RSU1: variants seen among roughly 807,000 people sequenced by gnomAD.
RSU1 encodes Ras suppressor protein 1, also known as rsu-1.
Under a neutral mutation model 31.1 loss-of-function variants are expected in RSU1, and 26 were observed. The ratio of observed to expected loss-of-function variants is 0.84; its 90% CI spans 0.61 to 1.16. RSU1 has a LOEUF of 1.16. RSU1 is among the 50% of genes most tolerant of loss of function. The pLI is 0.00. For synonymous variants in RSU1, 164 were observed against 136.3 expected (o/e 1.20, Z -1.41); for missense variants, 320 against 339.1 (o/e 0.94, Z 0.44).
chr10:16,740,036 C>A (rs1836719926), intron 7 of RSU1, among the ~76,000 whole-genome samples: 1 of 151,858 alleles, frequency 6.6e-6, no homozygotes, highest in Non-Finnish European at 1.5e-5. Flanking sequence ...AATTCAAGAC[C>A]CAGATGGCGT....
At chr10:16,642,675 A>G (rs1473156768) in intron 8 of RSU1, among the ~76,000 whole-genome samples, 1 of 152,204 alleles carries the variant, frequency 6.6e-6, no homozygotes, top group Admixed American at 6.5e-5. Context: ...TATTCTCTAA[A>G]TGGACCCTGA....
At chr10:16,686,237 C>A (rs1246324818) in intron 8 of RSU1, among the ~76,000 whole-genome samples, 1 of 152,106 alleles carries the variant, frequency 6.6e-6, no homozygotes, top group African/African-American at 2.4e-5. Context: ...AGATTAGAAA[C>A]CACAAACAGT....
At chr10:16,773,455 T>C (rs1276159830) in intron 3 of RSU1, among the ~76,000 whole-genome samples, 1 of 151,912 alleles carries the variant, frequency 6.6e-6, no homozygotes, top group African/African-American at 2.4e-5. Flanking sequence ...CTGGAAGGAG[T>C]AAGGATCCAG....
intron 7 of RSU1, among the ~76,000 whole-genome samples, chr10:16,741,043 T>C (rs569049316): frequency 6.6e-6 from 1 of 152,176 alleles, no homozygotes; most frequent in African/African-American, 2.4e-5. Flanking sequence ...GAAACTAACA[T>C]GCCCCAATTT....
chr10:16,605,797 G>A (rs1833794170), intron 8 of RSU1, among the ~76,000 whole-genome samples: 1 of 152,122 alleles, frequency 6.6e-6, no homozygotes, highest in African/African-American at 2.4e-5. Flanking sequence ...TTGGCTGCAG[G>A]GTTTCATTTT....
At position 16,593,307 on chromosome 10, in the gene RSU1, A is replaced by ATTGGGTTTAT; in HGVS notation, c.*77_*86dup. 1 of 1,594,464 alleles carries ATTGGGTTTAT rather than the reference A, an allele frequency of 6.3e-7. No homozygotes were observed. The highest frequency in any genetic ancestry group is 8.5e-7 in the Non-Finnish European group (1 of 1,169,764). On this transcript the variant is annotated 3_prime_UTR_variant, in exon 9 of 9. Coordinates refer to ENST00000345264, the MANE Select transcript of RSU1 (RefSeq NM_012425.4). Reference sequence around the variant, plus strand: ...AAATAAAAAAGGCCTCACACGCAGCATTGGGTTTATTTGAGAGACAGGGCA... The same window carrying ATTGGGTTTAT: ...AAATAAAAAAGGCCTCACACGCAGCATTGGGTTTATTTGGGTTTATTTGAGAGACAGGGCA...
intron 8 of RSU1, among the ~76,000 whole-genome samples, chr10:16,646,061 T>TACATATATGTGTATATATATATAC (rs1834564446): frequency 1.3e-5 from 1 of 78,934 alleles, no homozygotes; most frequent in African/African-American, 7.3e-5. Context: ...TATATATATA[T>TACATATATGTGTATATATATATAC]ACACACACAC....
chr10:16,793,689 C>T (rs768096126), intron 2 of RSU1, among the ~76,000 whole-genome samples: 8 of 152,082 alleles, frequency 5.3e-5, no homozygotes, highest in Non-Finnish European at 1.0e-4. Context: ...GCTACAGCTA[C>T]TCTGCAAGCC....
intron 7 of RSU1, among the ~76,000 whole-genome samples, chr10:16,737,837 A>T (rs527747203): frequency 6.6e-6 from 1 of 152,344 alleles, no homozygotes; most frequent in African/African-American, 2.4e-5. Context: ...GATGGGGCAC[A>T]TAAAACTTTT....
intron 3 of RSU1, among the ~76,000 whole-genome samples, chr10:16,773,234 C>A (rs1837457841): frequency 6.6e-6 from 1 of 151,800 alleles, no homozygotes; most frequent in Admixed American, 6.6e-5. Flanking sequence ...AGGAATTAAT[C>A]CATCAAATCC....
intron 8 of RSU1, among the ~76,000 whole-genome samples, chr10:16,626,586 G>A (rs1834161436): frequency 6.6e-6 from 1 of 152,174 alleles, no homozygotes; most frequent in Admixed American, 6.5e-5. Context: ...TGGGTTAAAT[G>A]CAGAGATTCT....
chr10:16,707,168 G>A (rs1388821639), intron 7 of RSU1, among the ~76,000 whole-genome samples: 2 of 152,078 alleles, frequency 1.3e-5, no homozygotes, highest in African/African-American at 2.4e-5. Flanking sequence ...GGTTGATTAC[G>A]TATCTTAGTT....
intron 8 of RSU1, among the ~76,000 whole-genome samples, chr10:16,656,051 T>C (rs1834770913): frequency 6.6e-6 from 1 of 152,206 alleles, no homozygotes; most frequent in Non-Finnish European, 1.5e-5. Flanking sequence ...TCTATGTTTT[T>C]AGCCAAAATA....
chr10:16,659,133 G>T lies in RSU1; in HGVS notation c.731+35890C>A, dbSNP rs77688902. ...ATCGGCTGTCAGCAATGTGTGTGTT[G>T]CAGACCACTTTTCTCAGTTGTGGCT... On this transcript the variant is annotated intron_variant, in intron 8 of 8. Transcript: ENST00000345264. Among the ~76,000 whole-genome samples the T allele has an allele frequency of 8.1e-3, 1,225 of 152,124 alleles. 17 individuals are homozygous for T. The highest frequency in any genetic ancestry group is 0.028 in the African/African-American group (1,155 of 41,486).
chr10:16,702,430 C>G (rs574275434), intron 7 of RSU1, among the ~76,000 whole-genome samples: 1 of 152,238 alleles, frequency 6.6e-6, no homozygotes. Context: ...CCCAATAGAG[C>G]AGTCACAGGA....
At chr10:16,755,234 C>T (rs1448926101) in intron 4 of RSU1, among the ~76,000 whole-genome samples, 1 of 152,038 alleles carries the variant, frequency 6.6e-6, no homozygotes, top group Non-Finnish European at 1.5e-5. Flanking sequence ...GCGATCCTTC[C>T]ACTTCAGCCT....
intron 3 of RSU1, among the ~76,000 whole-genome samples, chr10:16,766,413 G>A (rs933255238): frequency 6.6e-6 from 1 of 152,148 alleles, no homozygotes; most frequent in Non-Finnish European, 1.5e-5. Context: ...GTGTGTAAGG[G>A]ATTACCAAGA....
intron 4 of RSU1, among the ~76,000 whole-genome samples, chr10:16,758,300 G>A (rs537972913): frequency 6.6e-6 from 1 of 152,306 alleles, no homozygotes; most frequent in East Asian, 1.9e-4. Flanking sequence ...GTGACATGGT[G>A]GGTTCTCTCT....
Position 16,752,651 on chromosome 10 carries a change from G to T in RSU1, c.486C>A (p.Leu162=). The change falls in exon 7 of 9, where the codon CTC becomes CTA. Residue 162 remains leucine, a splice_region_variant and synonymous_variant. Coordinates refer to ENST00000345264, the MANE Select transcript of RSU1 (RefSeq NM_012425.4). ...DIGKLTKLQI[L]SLRDNDLISL... ...AGATCAGGTCGTTATCCCTAAGGCT[G>T]AGCTAAACAGAAGAAAACAAGTTGT... The T allele has an allele frequency of 6.2e-7, 1 of 1,607,414 alleles. No individual in the cohort carries two copies. Among genetic ancestry groups the T allele is most frequent in the Non-Finnish European group, 8.5e-7 (1 of 1,174,586 alleles).
Sources: allele counts gnomAD v4.1 joint callset (sites outside exome capture counted in the v4.1 genomes callset), GRCh38; gene constraint gnomAD v4.1.1; transcripts MANE v1.5; gene names NCBI Gene and HGNC (gene_info 2026-07-23, HGNC 2026-07-21).